The following ROBO1 variants were observed in gnomAD, a reference collection of about 807,000 sequenced individuals.
ROBO1 encodes the protein roundabout guidance receptor 1, also known as roundabout homolog 1.
In ROBO1, 149 loss-of-function variants were observed where a neutral mutation model predicts 195.9. The ratio of observed to expected loss-of-function variants is 0.76; its 90% CI spans 0.67 to 0.87. The LOEUF (loss-of-function observed/expected upper bound fraction) is 0.87, where lower values mean the gene tolerates loss of function less well. Ranked by LOEUF, ROBO1 falls within the 40% of genes least tolerant of loss-of-function variation. The probability of loss-of-function intolerance (pLI) is 0.00; values close to 1 mark genes in which losing one functional copy is unlikely to be tolerated. For missense variants in ROBO1, 1,933 were observed against 2,068.3 expected (o/e 0.93, Z 1.27); for synonymous variants, 816 against 733.2 (o/e 1.11, Z -1.82).
At chr3:78,626,620 A>G (rs1704797759) in intron 26 of ROBO1, among the ~76,000 whole-genome samples, 1 of 152,164 alleles carries the variant, frequency 6.6e-6, no homozygotes, top group Non-Finnish European at 1.5e-5. Context: ...CAATGAGAGA[A>G]GAGCTAAAAT....
chr3:79,461,844 A>G (rs1937655257), intron 2 of ROBO1, among the ~76,000 whole-genome samples: 1 of 152,152 alleles, frequency 6.6e-6, no homozygotes. Context: ...GCAAAATAGG[A>G]AATGTTTCCA....
At chr3:79,519,369 G>A (rs1941096593) in intron 2 of ROBO1, among the ~76,000 whole-genome samples, 1 of 151,952 alleles carries the variant, frequency 6.6e-6, no homozygotes, top group Non-Finnish European at 1.5e-5. Context: ...GGTGGCTCAC[G>A]CCTGTAATCC....
intron 1 of ROBO1, among the ~76,000 whole-genome samples, chr3:79,636,670 T>C (rs1945506174): frequency 6.6e-6 from 1 of 152,148 alleles, no homozygotes. Context: ...TGTAAAAGCC[T>C]ATTCTGAGAA....
chr3:79,738,240 C>G (rs1018832781), intron 1 of ROBO1, among the ~76,000 whole-genome samples: 2 of 152,124 alleles, frequency 1.3e-5, no homozygotes, highest in African/African-American at 2.4e-5. Context: ...AGTAGAGAAA[C>G]AGTTTACTGA....
At chr3:79,060,671 C>A (rs2078900182) in intron 3 of ROBO1, among the ~76,000 whole-genome samples, 1 of 152,010 alleles carries the variant, frequency 6.6e-6, no homozygotes, top group Non-Finnish European at 1.5e-5. Context: ...TGGCTTTATC[C>A]CTGGGATGCA....
At chr3:79,650,834 G>GA (rs1945983708) in intron 1 of ROBO1, among the ~76,000 whole-genome samples, 1 of 151,680 alleles carries the variant, frequency 6.6e-6, no homozygotes, top group Admixed American at 6.6e-5. Flanking sequence ...GCCTGAGTCA[G>GA]AAAAAATAAA....
chr3:79,294,252 T>C (rs899498193), intron 2 of ROBO1, among the ~76,000 whole-genome samples: 2 of 151,928 alleles, frequency 1.3e-5, no homozygotes, highest in Admixed American at 1.3e-4. Flanking sequence ...AAAACAGATA[T>C]ATAGTCCAAT....
intron 2 of ROBO1, among the ~76,000 whole-genome samples, chr3:79,239,528 A>T (rs1002638146): frequency 2.6e-5 from 4 of 152,168 alleles, no homozygotes; most frequent in African/African-American, 9.7e-5. Context: ...ACATAGCTAC[A>T]TGTGGCTTCA....
intron 10 of ROBO1, among the ~76,000 whole-genome samples, chr3:78,675,750 T>C (rs9830955): frequency 0.57 from 86,237 of 151,920 alleles, 25,254 homozygotes; most frequent in East Asian, 0.78. Flanking sequence ...GGGCAGGGCA[T>C]AGACAAACAA....
rs576727894 is a variant in ROBO1, at chr3:78,710,566, CA to C, written c.1045+3830del. Among the ~76,000 whole-genome samples, 297 of 152,202 alleles carry C rather than the reference CA, an allele frequency of 2.0e-3. 2 individuals carry two copies. Among genetic ancestry groups the C allele is most frequent in the African/African-American group, 6.8e-3 (283 of 41,538 alleles). ...TATTTACAAAATATGTACTGTATAA[CA>C]GATAATATGTTAAATATCCTTATAC... On this transcript the variant is annotated intron_variant, in intron 8 of 30. Coordinates refer to ENST00000464233, the MANE Select transcript of ROBO1 (RefSeq NM_002941.4).
At chr3:78,737,283 T>A (rs1003319666) in intron 5 of ROBO1, among the ~76,000 whole-genome samples, 5 of 152,156 alleles carry the variant, frequency 3.3e-5, no homozygotes, top group African/African-American at 1.2e-4. Context: ...TCACATACAT[T>A]TATATCATCT....
Position 78,711,512 on chromosome 3 carries a change from C to T in ROBO1, c.1045+2885G>A, listed in dbSNP as rs185711005. 1.2e-3 allele frequency among the ~76,000 whole-genome samples: 171 copies of T among 147,544 alleles called. 1 individual carries two copies. The highest frequency in any genetic ancestry group is 3.9e-3 in the African/African-American group (156 of 39,726). ...CTTTCTTTCTTTTTTTGAGGCAGAG[C>T]TTTGCTCTTGTTGCCCAAGCTAGAA... On this transcript the variant is annotated intron_variant, in intron 8 of 30. Transcript: ENST00000464233.
At chr3:78,856,410 C>T (rs1559929676) in intron 4 of ROBO1, among the ~76,000 whole-genome samples, 1 of 151,576 alleles carries the variant, frequency 6.6e-6, no homozygotes, top group Admixed American at 6.6e-5. Flanking sequence ...AGCCAAATAA[C>T]TTTCCTATGC....
At chr3:78,871,059 C>T (rs1386191849) in intron 4 of ROBO1, among the ~76,000 whole-genome samples, 4 of 152,114 alleles carry the variant, frequency 2.6e-5, no homozygotes, top group African/African-American at 4.8e-5. Context: ...TGTTAGGGTG[C>T]TATCAAAAAT....
At chr3:79,071,788 TCAGCAG>T (rs2079095995) in intron 3 of ROBO1, among the ~76,000 whole-genome samples, 1 of 151,686 alleles carries the variant, frequency 6.6e-6, no homozygotes, top group Non-Finnish European at 1.5e-5. Flanking sequence ...CATTGTATTC[TCAGCAG>T]CAGAGACTTT....
chr3:79,156,018 G>A (rs542729559), intron 2 of ROBO1, among the ~76,000 whole-genome samples: 3 of 151,768 alleles, frequency 2.0e-5, no homozygotes, highest in African/African-American at 4.8e-5. Context: ...AAATCTGAAA[G>A]GTTCTTGATC....
chr3:79,388,365 ATCTC>A (rs139191515), intron 2 of ROBO1, among the ~76,000 whole-genome samples: 1 of 151,208 alleles, frequency 6.6e-6, no homozygotes, highest in Non-Finnish European at 1.5e-5. Context: ...CTGTTATAGT[ATCTC>A]TCTCTCTCTC....
intron 1 of ROBO1, among the ~76,000 whole-genome samples, chr3:79,625,795 A>G (rs1312914300): frequency 6.6e-6 from 1 of 152,168 alleles, no homozygotes; most frequent in Non-Finnish European, 1.5e-5. Flanking sequence ...GGGAACTGGT[A>G]CGATTCCTTC....
chr3:79,345,566 T>C (rs2035078504), intron 2 of ROBO1, among the ~76,000 whole-genome samples: 1 of 152,160 alleles, frequency 6.6e-6, no homozygotes. Flanking sequence ...AACTACCCAG[T>C]GGCTTTCAAA....
Sources: allele counts gnomAD v4.1 joint callset (sites outside exome capture counted in the v4.1 genomes callset), GRCh38; gene constraint gnomAD v4.1.1; transcripts MANE v1.5; gene names NCBI Gene and HGNC (gene_info 2026-07-23, HGNC 2026-07-21).